FOCAD: variants seen among roughly 807,000 people sequenced by gnomAD.
FOCAD encodes focadhesin.
FOCAD carries 198 observed loss-of-function variants against 225.6 expected under a neutral mutation model. That is an observed-to-expected ratio of 0.88 (90% CI 0.78 to 0.99). The LOEUF (loss-of-function observed/expected upper bound fraction) is 0.99, where lower values mean the gene tolerates loss of function less well. Among genes scored for constraint, FOCAD ranks in the 50% least tolerant of loss-of-function variants. The pLI, the probability that FOCAD is intolerant of heterozygous loss-of-function variation, is 0.00. For missense variants in FOCAD, 2,713 were observed against 2,123.6 expected (o/e 1.28, Z -5.46); for synonymous variants, 897 against 755.0 (o/e 1.19, Z -3.08).
Position 20,781,809 on chromosome 9 carries a change from A to G in FOCAD, c.1077A>G (p.Leu359=), listed in dbSNP as rs759470768. The stretch of plus-strand genomic sequence containing the variant: ...TAGTGATGCCAATTCTGCAGATACT[A>G]TCTTCTACTGCCTTGGAAGACTGTA... ...LLLVMPILQI[L]SSTALEDCIS... Residue 359 remains leucine (L), a synonymous_variant, in exon 10 of 44, where the codon CTA becomes CTG. Coordinates refer to ENST00000338382, the MANE Select transcript of FOCAD (RefSeq NM_001375567.1). The G allele has an allele frequency of 1.5e-5, 24 of 1,613,974 alleles. No individual in the cohort carries two copies. Among genetic ancestry groups the G allele is most frequent in the African/African-American group, 9.3e-5 (7 of 74,932 alleles).
intron 4 of FOCAD, among the ~76,000 whole-genome samples, chr9:20,734,693 G>GGAGTGCAGTGGCGTGATCATGGCT (rs1158399887): frequency 4.0e-5 from 6 of 151,710 alleles, no homozygotes; most frequent in African/African-American, 1.5e-4. Flanking sequence ...CACCCAGGCT[G>GGAGTGCAGTGGCGTGATCATGGCT]GAGTGCAGTG....
rs560572394 is a variant in FOCAD at position 20,738,832 on chromosome 9, C to T, written c.288-1404C>T. Reference sequence around the variant, plus strand: ...ACATTAAAAAACCAGAAATAGATTACATTAACTTTAATAATATATTTTATG... The same window carrying T: ...ACATTAAAAAACCAGAAATAGATTATATTAACTTTAATAATATATTTTATG... On this transcript the variant is annotated intron_variant, in intron 4 of 43. Transcript: ENST00000338382. 2.0e-5 allele frequency among the ~76,000 whole-genome samples: 3 copies of T among 152,274 alleles called. No homozygotes were observed. In the South Asian group the frequency reaches 6.2e-4, roughly 32 times the overall value.
chr9:20,916,219 A>G (rs1356438893), intron 23 of FOCAD, among the ~76,000 whole-genome samples: 1 of 152,204 alleles, frequency 6.6e-6, no homozygotes, highest in African/African-American at 2.4e-5. Flanking sequence ...AAAAAAGTAA[A>G]TTTGACAGCA....
intron 24 of FOCAD, among the ~76,000 whole-genome samples, chr9:20,917,341 C>T (rs146030967): frequency 4.6e-5 from 7 of 151,912 alleles, no homozygotes; most frequent in Non-Finnish European, 8.8e-5. Context: ...TATTGGGTTC[C>T]GCATATCTAA....
At chr9:20,821,551 T>C (rs1242682101) in intron 14 of FOCAD, among the ~76,000 whole-genome samples, 1 of 152,044 alleles carries the variant, frequency 6.6e-6, no homozygotes, top group Non-Finnish European at 1.5e-5. Flanking sequence ...GCTGTAAGCT[T>C]TTAGGAAAAC....
chr9:20,859,774 G>C (rs969307043), intron 15 of FOCAD, among the ~76,000 whole-genome samples: 2 of 149,550 alleles, frequency 1.3e-5, no homozygotes, highest in African/African-American at 2.4e-5. Flanking sequence ...ATGAACCTTG[G>C]AAAAGGTACG....
chr9:20,836,665 C>G (rs1452577175), intron 15 of FOCAD, among the ~76,000 whole-genome samples: 1 of 151,990 alleles, frequency 6.6e-6, no homozygotes, highest in African/African-American at 2.4e-5. Context: ...TTTAAAAGGA[C>G]AGCAGGAACT....
At chr9:20,814,099 T>C (rs933737013) in intron 11 of FOCAD, among the ~76,000 whole-genome samples, 2 of 152,194 alleles carry the variant, frequency 1.3e-5, no homozygotes, top group African/African-American at 4.8e-5. Context: ...AGTGAGTCTT[T>C]TGTAGACGTT....
rs537299383 is a variant in FOCAD, at chr9:20,810,494, C to T, written c.1456-9302C>T. Among the ~76,000 whole-genome samples the T allele has an allele frequency of 1.1e-4, 16 of 152,128 alleles. No individual in the cohort carries two copies. In the South Asian group the frequency reaches 2.1e-3, roughly 20 times the overall value. On this transcript the variant is annotated intron_variant, in intron 11 of 43. Transcript: ENST00000338382. ...CAGACTGCCAAAGATTTAGAGCTCA[C>T]GTGGCAGAAATGTGTAGCTACTTTT...
chr9:20,957,164 A>G (rs1252481068), intron 35 of FOCAD, among the ~76,000 whole-genome samples: 2 of 152,162 alleles, frequency 1.3e-5, no homozygotes, highest in East Asian at 3.8e-4. Flanking sequence ...TTCTGGCTCA[A>G]GTGATCCTTC....
intron 6 of FOCAD, among the ~76,000 whole-genome samples, chr9:20,758,956 A>G (rs1427943471): frequency 6.6e-6 from 1 of 152,162 alleles, no homozygotes. Context: ...AATCACAAGC[A>G]TTCTTATACA....
chr9:20,938,622 T>C (rs1836276455), intron 28 of FOCAD, among the ~76,000 whole-genome samples: 1 of 152,090 alleles, frequency 6.6e-6, no homozygotes. Flanking sequence ...GGGATATACC[T>C]AATGTTAAAT....
intron 1 of FOCAD, among the ~76,000 whole-genome samples, chr9:20,714,745 G>A (rs187024769): frequency 1.5e-4 from 23 of 150,678 alleles, no homozygotes; most frequent in Admixed American, 4.0e-4. Context: ...GAGCCCAGTA[G>A]GAATGATAAG....
At chr9:20,822,851 G>T in intron 14 of FOCAD, 138 bp from the exon 15 acceptor site, 1 of 601,814 alleles carries the variant, frequency 1.7e-6, no homozygotes. Context: ...GAAAAAACAT[G>T]GTGTTAATAT....
chr9:20,667,091 C>G (rs1212681158), intron 2 of FOCAD, among the ~76,000 whole-genome samples: 1 of 152,188 alleles, frequency 6.6e-6, no homozygotes, highest in Non-Finnish European at 1.5e-5. Context: ...TTCTCTGAAG[C>G]TACTAATAAT....
In FOCAD at chr9:20,976,422, C is replaced by T. The variant is rs116541636; in HGVS notation, c.4135C>T (p.Pro1379Ser). ...TTATTTTTCACTGTCTGTTATAGGT[C>T]CTGAATCTGTGCCTCCTTCCCTTCT... ...GFFITGGKKG[P>S]ESVPPSLLKV... The change falls in exon 36 of 44, where the codon CCT (proline) becomes TCT (serine). Residue 1379 changes from proline to serine, a missense_variant and splice_region_variant. Transcript: ENST00000338382. 636 of 1,612,746 alleles carry T rather than the reference C, an allele frequency of 3.9e-4. 4 individuals are homozygous for T. In the African/African-American group the frequency reaches 7.8e-3, roughly 20 times the overall value.
chr9:20,908,751 C>T (rs2891152), intron 22 of FOCAD, among the ~76,000 whole-genome samples: 1 of 151,896 alleles, frequency 6.6e-6, no homozygotes, highest in African/African-American at 2.4e-5. Context: ...AGTTTTTAGT[C>T]AGGAAACATA....
intron 28 of FOCAD, among the ~76,000 whole-genome samples, chr9:20,938,050 G>A (rs897096018): frequency 1.8e-4 from 28 of 151,972 alleles, no homozygotes; most frequent in Non-Finnish European, 3.7e-4. Flanking sequence ...ACACCAGTTA[G>A]AATGGCAATC....
At chr9:20,667,648 A>G (rs1482815736) in intron 2 of FOCAD, among the ~76,000 whole-genome samples, 1 of 152,230 alleles carries the variant, frequency 6.6e-6, no homozygotes, top group African/African-American at 2.4e-5. Context: ...AATTCCAAGT[A>G]TCTTTTAGGT....
Sources: gnomAD v4.1 joint callset for allele counts (sites outside exome capture counted in the v4.1 genomes callset) on GRCh38, gnomAD v4.1.1 for gene constraint, MANE v1.5 for transcripts, NCBI Gene and HGNC (gene_info 2026-07-23, HGNC 2026-07-21) for gene names.